Variants in RBFOX1 observed in about 807,000 individuals in gnomAD.
RBFOX1 encodes the protein RNA binding fox-1 homolog 1, also known as RNA binding protein fox-1 homolog 1.
RBFOX1 carries 8 observed loss-of-function variants against 57.7 expected under a neutral mutation model. The observed-to-expected ratio is 0.14, with a 90% confidence interval of 0.08 to 0.25. The LOEUF (loss-of-function observed/expected upper bound fraction) is 0.25. Among genes scored for constraint, RBFOX1 ranks in the 10% least tolerant of loss-of-function variants. The pLI, the probability that RBFOX1 is intolerant of heterozygous loss-of-function variation, is 1.00. For synonymous variants in RBFOX1, 326 were observed against 222.4 expected, an observed-to-expected ratio of 1.47 and a Z score of -4.15; for missense variants, 611 against 548.5, an observed-to-expected ratio of 1.11 and a Z score of -1.14.
intron 1 of RBFOX1, among the ~76,000 whole-genome samples, chr16:6,183,171 C>T (rs191778789): frequency 1.3e-5 from 2 of 151,872 alleles, no homozygotes; most frequent in East Asian, 3.9e-4. Context: ...TATTAATCGC[C>T]ATGAAGAAGA....
chr16:7,296,486 T>C (rs1462184902), intron 4 of RBFOX1, among the ~76,000 whole-genome samples: 1 of 152,156 alleles, frequency 6.6e-6, no homozygotes, highest in African/African-American at 2.4e-5. Flanking sequence ...AGAATCATTA[T>C]AGTTCTGTAA....
In RBFOX1 at chr16:5,391,047, T is replaced by G. The variant is rs115758054; in HGVS notation, c.220-76169T>G. On this transcript the variant is annotated intron_variant, in intron 1 of 2. Transcript: ENST00000585867. ...CCAACAGGGTACAGTGTCTTCTTACTTCCCATCCTCTGAAACTTCACTCCA... is the reference window on the plus strand; with the variant it reads ...CCAACAGGGTACAGTGTCTTCTTACGTCCCATCCTCTGAAACTTCACTCCA... 7.8e-3 allele frequency among the ~76,000 whole-genome samples: 1,190 copies of G among 152,326 alleles called. 18 individuals are homozygous for G. The highest frequency in any genetic ancestry group is 0.027 in the African/African-American group (1,102 of 41,568).
chr16:7,124,318 G>T (rs2067889465), intron 4 of RBFOX1, among the ~76,000 whole-genome samples: 1 of 152,150 alleles, frequency 6.6e-6, no homozygotes, highest in Non-Finnish European at 1.5e-5. Flanking sequence ...GGAGACTGAG[G>T]TGGGAGGATC....
intron 4 of RBFOX1, among the ~76,000 whole-genome samples, chr16:7,058,810 T>C (rs975850122): frequency 6.6e-6 from 1 of 152,228 alleles, no homozygotes; most frequent in Non-Finnish European, 1.5e-5. Context: ...TCGTATTTTA[T>C]GTTCCATTTA....
intron 2 of RBFOX1, among the ~76,000 whole-genome samples, chr16:5,523,084 G>C (rs975305321): frequency 6.6e-6 from 1 of 151,994 alleles, no homozygotes; most frequent in African/African-American, 2.4e-5. Context: ...TCAGGAGTTC[G>C]AGACTAGCCT....
At chr16:6,993,134 C>T (rs924101219) in intron 3 of RBFOX1, among the ~76,000 whole-genome samples, 2 of 152,280 alleles carry the variant, frequency 1.3e-5, no homozygotes, top group South Asian at 4.1e-4. Context: ...CATAGATGGA[C>T]TGAACTGTAA....
chr16:7,702,874 C>T (rs757949325), intron 14 of RBFOX1, among the ~76,000 whole-genome samples: 1 of 152,138 alleles, frequency 6.6e-6, no homozygotes, highest in African/African-American at 2.4e-5. Flanking sequence ...GTCCTCAAAC[C>T]CCAAAAATGA....
At chr16:6,234,400 A>G (rs1049035953) in intron 1 of RBFOX1, among the ~76,000 whole-genome samples, 1 of 152,160 alleles carries the variant, frequency 6.6e-6, no homozygotes, top group African/African-American at 2.4e-5. Flanking sequence ...TGTAAGTCCC[A>G]TGAGGATAGG....
intron 3 of RBFOX1, among the ~76,000 whole-genome samples, chr16:7,049,224 G>C (rs912888089): frequency 1.3e-5 from 2 of 152,036 alleles, no homozygotes; most frequent in Non-Finnish European, 2.9e-5. Context: ...TAATTTTTCT[G>C]TTCACCTGCT....
At chr16:6,620,180 A>T (rs2098207422) in intron 2 of RBFOX1, among the ~76,000 whole-genome samples, 1 of 152,236 alleles carries the variant, frequency 6.6e-6, no homozygotes, top group African/African-American at 2.4e-5. Flanking sequence ...TAAATTCAAA[A>T]TCAGTCAGAA....
chr16:7,098,971 A>G (rs1235922742), intron 4 of RBFOX1, among the ~76,000 whole-genome samples: 1 of 152,050 alleles, frequency 6.6e-6, no homozygotes, highest in African/African-American at 2.4e-5. Context: ...GCTTATAGCC[A>G]TTGGTCTTTT....
intron 2 of RBFOX1, among the ~76,000 whole-genome samples, chr16:6,526,659 T>A (rs2096581873): frequency 6.6e-6 from 1 of 151,274 alleles, no homozygotes; most frequent in South Asian, 2.1e-4. Context: ...AGAAACCCCG[T>A]GTCTACTAAA....
chr16:6,139,714 C>G (rs1440397050), intron 1 of RBFOX1, among the ~76,000 whole-genome samples: 3 of 152,334 alleles, frequency 2.0e-5, no homozygotes, highest in Admixed American at 6.5e-5. Flanking sequence ...CTTTCTTGCT[C>G]TCTTCCTCAC....
chr16:7,542,030 T>C (rs2083092375), intron 5 of RBFOX1, among the ~76,000 whole-genome samples: 1 of 152,176 alleles, frequency 6.6e-6, no homozygotes, highest in Admixed American at 6.5e-5. Context: ...TGACCTGAGC[T>C]GGGAAGAAGT....
chr16:5,764,930 G>C (rs1315694531), intron 3 of RBFOX1, among the ~76,000 whole-genome samples: 1 of 152,152 alleles, frequency 6.6e-6, no homozygotes, highest in African/African-American at 2.4e-5. Flanking sequence ...ATTTGAAAGA[G>C]GAGAAAGGAT....
chr16:6,924,050 G>C (rs2075051886), intron 3 of RBFOX1, among the ~76,000 whole-genome samples: 2 of 151,826 alleles, frequency 1.3e-5, no homozygotes, highest in African/African-American at 4.8e-5. Context: ...CGTACCTGTA[G>C]TCCCAGCTTC....
chr16:7,150,242 G>A (rs1466261188), intron 4 of RBFOX1, among the ~76,000 whole-genome samples: 1 of 152,200 alleles, frequency 6.6e-6, no homozygotes, highest in Non-Finnish European at 1.5e-5. Context: ...TTAAATGTAA[G>A]AGGTAAAAGA....
At chr16:5,989,881 C>CACACACACACACACACACACA (rs1596355221) in intron 4 of RBFOX1, among the ~76,000 whole-genome samples, 3 of 35,490 alleles carry the variant, frequency 8.5e-5, no homozygotes, top group East Asian at 8.1e-4. Context: ...CACACACACA[C>CACACACACACACACACACACA]CACCCCTGTT....
At chr16:6,483,180 T>G in intron 2 of RBFOX1, 1 of 1,132,754 alleles carries the variant, frequency 8.8e-7, no homozygotes, top group Non-Finnish European at 1.1e-6. Context: ...TTGGCGAGCG[T>G]TTTGGCGCGG....
Sources: gnomAD v4.1 joint callset for allele counts (sites outside exome capture counted in the v4.1 genomes callset) on GRCh38, gnomAD v4.1.1 for gene constraint, MANE v1.5 for transcripts, NCBI Gene and HGNC (gene_info 2026-07-23, HGNC 2026-07-21) for gene names.